Variants in POMP observed in about 807,000 individuals in gnomAD.
POMP encodes the protein 2510048O06Rik.
A neutral mutation model predicts 20.6 loss-of-function variants in POMP; 12 were observed. That is an observed-to-expected ratio of 0.58 (90% CI 0.37 to 0.94). POMP has a LOEUF of 0.94. Among genes scored for constraint, POMP ranks in the 40% least tolerant of loss-of-function variants. POMP has a pLI of 0.01. For missense variants in POMP, 136 were observed against 161.1 expected (o/e 0.84, Z 0.84); for synonymous variants, 53 against 55.0 (o/e 0.96, Z 0.16).
Position 28,668,606 on chromosome 13 carries a change from C to A in POMP, c.264+32C>A. On this transcript the variant is annotated intron_variant, in intron 4 of 5. Coordinates refer to ENST00000380842, the MANE Select transcript of POMP (RefSeq NM_015932.6). The stretch of plus-strand genomic sequence containing the variant: ...TGATGGATCTCTGTTGCATATGTGT[C>A]GATATCATTCATGAGGAATCTTCTG... 4 of 1,449,822 alleles carry A rather than the reference C, an allele frequency of 2.8e-6. No individual in the cohort carries two copies. The South Asian group carries it at 3.4e-5, about 12-fold the overall frequency. 89.8% of individuals were successfully genotyped at this position (1,449,822 alleles called of 1,614,324 possible).
Position 28,659,135 on chromosome 13 carries a change from G to C in POMP, c.-50G>C, listed in dbSNP as rs766897923. On this transcript the variant is annotated 5_prime_UTR_variant, in exon 1 of 6. Transcript: ENST00000380842. ...CCTCGGAAACGGAAGTGAGCGGCGGGGTCGACTGACGGTAACGGGGCAGAG... is the reference window on the plus strand; with the variant it reads ...CCTCGGAAACGGAAGTGAGCGGCGGCGTCGACTGACGGTAACGGGGCAGAG... 8 of 1,574,588 alleles carry C rather than the reference G, an allele frequency of 5.1e-6. No homozygotes were observed. The highest frequency in any genetic ancestry group is 6.9e-6 in the Non-Finnish European group (8 of 1,160,640).
At chr13:28,664,422 C>A (rs2137791657) in intron 2 of POMP, 87 bp from the exon 3 acceptor site, 2 of 879,728 alleles carry the variant, frequency 2.3e-6, no homozygotes, top group Non-Finnish European at 3.6e-6. Context: ...CTCTCTCATG[C>A]CATCCCTTTA....
intron 5 of POMP, among the ~76,000 whole-genome samples, chr13:28,673,405 G>A (rs915683714): frequency 3.3e-5 from 5 of 152,182 alleles, no homozygotes; most frequent in African/African-American, 9.7e-5. Flanking sequence ...CTGAATAATT[G>A]TAAATGAATT....
intron 3 of POMP, 51 bp downstream of exon 3, chr13:28,664,620 T>C (rs1263111060): frequency 9.2e-7 from 1 of 1,084,702 alleles, no homozygotes; most frequent in Non-Finnish European, 1.4e-6. Flanking sequence ...ATAAATACTT[T>C]TACTAATATT....
At chr13:28,675,143 A>AC (rs1555257279) in intron 5 of POMP, among the ~76,000 whole-genome samples, 2 of 150,644 alleles carry the variant, frequency 1.3e-5, no homozygotes, top group African/African-American at 4.9e-5. Context: ...GTTTAGGTAG[A>AC]TTTTTTTTGT....
chr13:28,673,583 T>C (rs180734566), intron 5 of POMP, among the ~76,000 whole-genome samples: 1 of 152,326 alleles, frequency 6.6e-6, no homozygotes, highest in Non-Finnish European at 1.5e-5. Context: ...GCTGCTGATG[T>C]CCGGTAAGGA....
intron 1 of POMP, among the ~76,000 whole-genome samples, chr13:28,661,297 C>G (rs1157038624): frequency 6.7e-6 from 1 of 149,554 alleles, no homozygotes; most frequent in Non-Finnish European, 1.5e-5. Flanking sequence ...GAGACCTTAT[C>G]TCCACAAAAA....
chr13:28,678,181 TA>T lies in POMP; in HGVS notation c.*83del, dbSNP rs1884660973. 7.3e-7 allele frequency: 1 copy of T among 1,369,726 alleles called. No individual in the cohort carries two copies. The allele number at this position is 1,369,726 out of a possible 1,614,324, so 84.8% of individuals were successfully genotyped here. A position where few individuals can be genotyped will look rare whatever the true frequency, so the allele number is the denominator to read the frequency against. On this transcript the variant is annotated 3_prime_UTR_variant, in exon 6 of 6. Coordinates refer to ENST00000380842, the MANE Select transcript of POMP (RefSeq NM_015932.6). ...TACTGTAATTTGATGTACACAACATTAAAAGTACTGACACCTGAGAATTTCT... is the reference window on the plus strand; with the variant it reads ...TACTGTAATTTGATGTACACAACATTAAAGTACTGACACCTGAGAATTTCT...
At chr13:28,665,304 G>C (rs1845795869) in intron 3 of POMP, among the ~76,000 whole-genome samples, 3 of 152,206 alleles carry the variant, frequency 2.0e-5, no homozygotes, top group Non-Finnish European at 4.4e-5. Flanking sequence ...AAACTGATCT[G>C]TATTTTGTTT....
intron 5 of POMP, among the ~76,000 whole-genome samples, chr13:28,674,472 T>C (rs1312251538): frequency 6.6e-6 from 1 of 152,172 alleles, no homozygotes; most frequent in Non-Finnish European, 1.5e-5. Flanking sequence ...CAAAGGCAGT[T>C]TAGTGTCTCT....
At chr13:28,671,591 A>G (rs896741831) in intron 4 of POMP, among the ~76,000 whole-genome samples, 4 of 151,270 alleles carry the variant, frequency 2.6e-5, no homozygotes, top group Non-Finnish European at 5.9e-5. Flanking sequence ...GTCTGGTTTA[A>G]TTTACAGGTT....
intron 4 of POMP, among the ~76,000 whole-genome samples, chr13:28,670,964 C>T (rs2511251): frequency 0.045 from 6,765 of 151,776 alleles, 506 homozygotes; most frequent in African/African-American, 0.15. Context: ...GGAGAATTGC[C>T]TGAACCCAGG....
intron 1 of POMP, 88 bp downstream of exon 1, chr13:28,659,275 C>T: frequency 2.0e-6 from 3 of 1,534,264 alleles, no homozygotes; most frequent in Non-Finnish European, 2.6e-6. Context: ...AACCCGTCCC[C>T]GGTGGCGGCG....
At chr13:28,663,178 C>G (rs1385376726) in intron 2 of POMP, among the ~76,000 whole-genome samples, 2 of 152,068 alleles carry the variant, frequency 1.3e-5, no homozygotes, top group Non-Finnish European at 2.9e-5. Flanking sequence ...GTTTCTGGTA[C>G]TAGACCATAC....
chr13:28,670,126 T>C (rs773619125), intron 4 of POMP, among the ~76,000 whole-genome samples: 3 of 152,078 alleles, frequency 2.0e-5, no homozygotes, highest in Admixed American at 1.3e-4. Flanking sequence ...TAAAATATGT[T>C]GATGACCCCC....
At chr13:28,659,521 G>A (rs1293840678) in intron 1 of POMP, among the ~76,000 whole-genome samples, 3 of 152,170 alleles carry the variant, frequency 2.0e-5, no homozygotes, top group Non-Finnish European at 4.4e-5. Flanking sequence ...AAAGTGCAAC[G>A]TTCTGTGGGG....
intron 3 of POMP, among the ~76,000 whole-genome samples, chr13:28,665,190 C>G (rs532276471): frequency 6.6e-6 from 1 of 152,212 alleles, no homozygotes; most frequent in African/African-American, 2.4e-5. Flanking sequence ...AGCATGTATA[C>G]ATGTCCAAAA....
chr13:28,678,339 A>T lies in POMP; in HGVS notation c.*237A>T, dbSNP rs747640651. The T allele has an allele frequency of 3.1e-5, 15 of 481,182 alleles. No homozygotes were observed. Among genetic ancestry groups the T allele is most frequent in the Non-Finnish European group, 5.2e-5 (14 of 267,982 alleles). The allele number at this position is 481,182 out of a possible 1,614,324, so 29.8% of individuals were successfully genotyped here. A position where few individuals can be genotyped will look rare whatever the true frequency, so the allele number is the denominator to read the frequency against. Reference sequence around the variant, plus strand: ...TATTAAAACAGTAGCCTTTGTCTTTAAAAAAGTTGTTGCTCATGAATATTA... The same window carrying T: ...TATTAAAACAGTAGCCTTTGTCTTTTAAAAAGTTGTTGCTCATGAATATTA... On this transcript the variant is annotated 3_prime_UTR_variant, in exon 6 of 6. Coordinates refer to ENST00000380842, the MANE Select transcript of POMP (RefSeq NM_015932.6).
At position 28,662,434 on chromosome 13, in the gene POMP, C is replaced by T; in HGVS notation, c.28C>T (p.Leu10=). MNARGLGSE[L]KDSIPVTELS... ...GAATGCCAGAGGACTTGGATCTGAG[C>T]TAAAGGACAGTATTCCAGTTACTGA... The change falls in exon 2 of 6, where the codon CTA becomes TTA. Residue 10 remains leucine (L), a synonymous_variant. Transcript: ENST00000380842. The T allele has an allele frequency of 6.2e-7, 1 of 1,613,640 alleles. No homozygotes were observed. The highest frequency in any genetic ancestry group is 8.5e-7 in the Non-Finnish European group (1 of 1,179,626).
Sources: gnomAD v4.1 joint callset for allele counts (sites outside exome capture counted in the v4.1 genomes callset) on GRCh38, gnomAD v4.1.1 for gene constraint, MANE v1.5 for transcripts, NCBI Gene and HGNC (gene_info 2026-07-23, HGNC 2026-07-21) for gene names.